Variants in KCNN2 observed in about 807,000 individuals in gnomAD.
KCNN2 encodes the protein small conductance calcium-activated potassium channel protein 2.
A neutral mutation model predicts 55.5 loss-of-function variants in KCNN2; 24 were observed. The observed-to-expected ratio is 0.43, with a 90% CI of 0.31 to 0.61. The LOEUF (loss-of-function observed/expected upper bound fraction) is 0.61, where lower values mean the gene tolerates loss of function less well. Ranked by LOEUF, KCNN2 falls within the 20% of genes least tolerant of loss-of-function variation. KCNN2 has a pLI of 0.08. For missense variants in KCNN2, 754 were observed against 853.6 expected, an observed-to-expected ratio of 0.88 and a Z score of 1.45; for synonymous variants, 431 against 336.1, an observed-to-expected ratio of 1.28 and a Z score of -3.09.
At chr5:114,340,081 G>A (rs1306742165) in intron 2 of KCNN2, among the ~76,000 whole-genome samples, 1 of 152,128 alleles carries the variant, frequency 6.6e-6, no homozygotes, top group Non-Finnish European at 1.5e-5. Flanking sequence ...AAGTCTGAAT[G>A]CTTTCTATTA....
intron 2 of KCNN2, among the ~76,000 whole-genome samples, chr5:114,368,112 A>C (rs1757658670): frequency 6.6e-6 from 1 of 152,100 alleles, no homozygotes; most frequent in African/African-American, 2.4e-5. Context: ...ATCAGCAAAA[A>C]TACAGTATTC....
At chr5:114,166,467 C>CA (rs1208971233) in intron 1 of KCNN2, among the ~76,000 whole-genome samples, 1 of 151,964 alleles carries the variant, frequency 6.6e-6, no homozygotes, top group Non-Finnish European at 1.5e-5. Flanking sequence ...TTGTGTTTTT[C>CA]AAAAAACACA....
chr5:114,395,554 G>C (rs1758589524), intron 2 of KCNN2, among the ~76,000 whole-genome samples: 1 of 152,124 alleles, frequency 6.6e-6, no homozygotes, highest in African/African-American at 2.4e-5. Flanking sequence ...ACCTACAAGT[G>C]AGCTTAAAAC....
chr5:114,451,829 G>A (rs779347835), intron 3 of KCNN2, among the ~76,000 whole-genome samples: 8 of 151,616 alleles, frequency 5.3e-5, no homozygotes, highest in South Asian at 2.1e-4. Context: ...CCCGGGTGGC[G>A]GAGCTTGCAG....
intron 4 of KCNN2, among the ~76,000 whole-genome samples, chr5:114,466,798 C>T (rs1477939627): frequency 6.6e-6 from 1 of 152,066 alleles, no homozygotes; most frequent in Admixed American, 6.6e-5. Context: ...TTATAAACCA[C>T]TAGACTTTGA....
chr5:114,238,975 G>A (rs1445803097), intron 2 of KCNN2, among the ~76,000 whole-genome samples: 1 of 152,070 alleles, frequency 6.6e-6, no homozygotes, highest in Admixed American at 6.6e-5. Context: ...TCATCTCCTG[G>A]TGGTACAGCA....
intron 1 of KCNN2, among the ~76,000 whole-genome samples, chr5:114,060,098 TG>T (rs1382593036): frequency 1.3e-5 from 2 of 152,200 alleles, no homozygotes; most frequent in Non-Finnish European, 2.9e-5. Context: ...ATTTAGAAAA[TG>T]GTTGCTAAGG....
At chr5:114,104,372 ACCT>A (rs542459114) in intron 1 of KCNN2, among the ~76,000 whole-genome samples, 113 of 152,088 alleles carry the variant, frequency 7.4e-4, no homozygotes, top group African/African-American at 2.4e-3. Flanking sequence ...TTTTCAAAAA[ACCT>A]CCTGGATTCG....
chr5:114,174,256 A>G (rs1753095734), intron 1 of KCNN2, among the ~76,000 whole-genome samples: 1 of 152,138 alleles, frequency 6.6e-6, no homozygotes, highest in Non-Finnish European at 1.5e-5. Context: ...AAGATACATG[A>G]ACCCTGCTGG....
At chr5:114,423,609 T>A (rs1168270826) in intron 3 of KCNN2, among the ~76,000 whole-genome samples, 2 of 152,308 alleles carry the variant, frequency 1.3e-5, no homozygotes, top group East Asian at 3.9e-4. Context: ...TTTACAAATA[T>A]ATATATTGGC....
At chr5:114,177,563 G>A (rs1176813336) in intron 1 of KCNN2, among the ~76,000 whole-genome samples, 1 of 151,396 alleles carries the variant, frequency 6.6e-6, no homozygotes, top group African/African-American at 2.4e-5. Flanking sequence ...ACAGTTGTTG[G>A]TGACCTAAGG....
intron 2 of KCNN2, among the ~76,000 whole-genome samples, chr5:114,324,839 G>A (rs1756685644): frequency 6.6e-6 from 1 of 152,196 alleles, no homozygotes; most frequent in Admixed American, 6.5e-5. Flanking sequence ...TTCACAGGCT[G>A]TTAGCAGAAA....
At chr5:114,317,312 C>T (rs1340350474) in intron 2 of KCNN2, among the ~76,000 whole-genome samples, 2 of 151,778 alleles carry the variant, frequency 1.3e-5, no homozygotes, top group South Asian at 2.1e-4. Context: ...AAGCTTATAT[C>T]GTCGGACCTG....
At chr5:114,109,596 A>G (rs527701440) in intron 1 of KCNN2, among the ~76,000 whole-genome samples, 153 of 152,214 alleles carry the variant, frequency 1.0e-3, no homozygotes, top group African/African-American at 3.6e-3. Flanking sequence ...ACACAACCGA[A>G]TATGACCAAA....
At chr5:114,108,022 T>C (rs1415487850) in intron 1 of KCNN2, among the ~76,000 whole-genome samples, 2 of 152,092 alleles carry the variant, frequency 1.3e-5, no homozygotes, top group Non-Finnish European at 2.9e-5. Context: ...ATATCTAATG[T>C]CCTTGCTAAA....
intron 2 of KCNN2, among the ~76,000 whole-genome samples, chr5:114,346,331 ATAGATACAAACTC>A (rs1362246772): frequency 6.6e-6 from 1 of 152,214 alleles, no homozygotes; most frequent in Non-Finnish European, 1.5e-5. Flanking sequence ...TGGCAGGGAC[ATAGATACAAACTC>A]TGTCAACATG....
chr5:114,275,676 G>T (rs1561550696), intron 2 of KCNN2, among the ~76,000 whole-genome samples: 1 of 152,030 alleles, frequency 6.6e-6, no homozygotes, highest in Non-Finnish European at 1.5e-5. Context: ...GATCGGTGGT[G>T]ATATCCCCTT....
intron 2 of KCNN2, among the ~76,000 whole-genome samples, chr5:114,256,309 T>G (rs1754982303): frequency 6.6e-6 from 1 of 152,190 alleles, no homozygotes; most frequent in Admixed American, 6.6e-5. Context: ...TCCCATAGCT[T>G]GGCTATTAGG....
intron 3 of KCNN2, among the ~76,000 whole-genome samples, chr5:114,450,937 G>GTT (rs1760646545): frequency 6.6e-6 from 1 of 152,124 alleles, no homozygotes; most frequent in African/African-American, 2.4e-5. Context: ...ACATAAAATA[G>GTT]TTTTGCTCAG....
Sources: allele counts gnomAD v4.1 joint callset (sites outside exome capture counted in the v4.1 genomes callset), GRCh38; gene constraint gnomAD v4.1.1; transcripts MANE v1.5; gene names NCBI Gene and HGNC (gene_info 2026-07-23, HGNC 2026-07-21).